Variants in STK33 observed in about 807,000 individuals in gnomAD.
STK33 encodes the protein serine/threonine kinase 33.
In STK33, 52 loss-of-function variants were observed where a neutral mutation model predicts 58.0. That is an observed-to-expected ratio of 0.90 (90% CI 0.72 to 1.13). The LOEUF (loss-of-function observed/expected upper bound fraction) is 1.13. Ranked by LOEUF, STK33 falls within the 50% of genes most tolerant of loss-of-function variation. The probability of loss-of-function intolerance (pLI) is 0.00; values close to 1 mark genes in which losing one functional copy is unlikely to be tolerated. For synonymous variants in STK33, 215 were observed against 200.1 expected (o/e 1.07, Z -0.63); for missense variants, 630 against 604.2 (o/e 1.04, Z -0.45).
At chr11:8,396,109 T>C (rs368346912) in intron 15 of STK33, among the ~76,000 whole-genome samples, 1 of 152,066 alleles carries the variant, frequency 6.6e-6, no homozygotes, top group African/African-American at 2.4e-5. Context: ...TGCAAATATA[T>C]ATATATTTTT....
chr11:8,494,958 A>G (rs2138861835), intron 1 of STK33, among the ~76,000 whole-genome samples: 1 of 152,362 alleles, frequency 6.6e-6, no homozygotes, highest in South Asian at 2.1e-4. Context: ...GATGGATTAA[A>G]GGCTTAAATG....
At chr11:8,422,521 A>G (rs1414677126) in intron 14 of STK33, among the ~76,000 whole-genome samples, 1 of 152,184 alleles carries the variant, frequency 6.6e-6, no homozygotes, top group African/African-American at 2.4e-5. Flanking sequence ...AAGAAGAGTT[A>G]TAAGTTTAAG....
In STK33 at chr11:8,497,950, T is replaced by C. The variant is rs549146758; in HGVS notation, c.-465-17336A>G. On this transcript the variant is annotated intron_variant, in intron 1 of 15. Transcript: ENST00000687296. Reference sequence around the variant, plus strand: ...GACCAATTTCCCTTATGAGTATAAATGCAAAAGTCTCAACAAAATACTAGC... The same window carrying C: ...GACCAATTTCCCTTATGAGTATAAACGCAAAAGTCTCAACAAAATACTAGC... 2.0e-3 allele frequency among the ~76,000 whole-genome samples: 310 copies of C among 152,228 alleles called. 2 individuals carry two copies. Among genetic ancestry groups the C allele is most frequent in the Non-Finnish European group, 3.1e-3 (213 of 68,002 alleles).
chr11:8,526,505 T>G (rs1463438307), intron 1 of STK33, among the ~76,000 whole-genome samples: 1 of 152,190 alleles, frequency 6.6e-6, no homozygotes, highest in East Asian at 1.9e-4. Context: ...ATTTCTCTCT[T>G]AAGTATGTTC....
At chr11:8,545,478 C>G (rs12576644) in intron 1 of STK33, among the ~76,000 whole-genome samples, 1 of 152,268 alleles carries the variant, frequency 6.6e-6, no homozygotes, top group South Asian at 2.1e-4. Flanking sequence ...TTTAAGATTA[C>G]TAATGTTACA....
At chr11:8,559,703 G>A (rs1299968068) in intron 1 of STK33, among the ~76,000 whole-genome samples, 1 of 152,004 alleles carries the variant, frequency 6.6e-6, no homozygotes, top group Non-Finnish European at 1.5e-5. Flanking sequence ...TATAAAATCA[G>A]AAAATAATTG....
intron 12 of STK33, 33 bp from the exon 13 acceptor site, chr11:8,436,172 T>A (rs765042733): frequency 1.5e-6 from 2 of 1,311,314 alleles, no homozygotes; most frequent in East Asian, 5.0e-5. Context: ...GTTTAAATTT[T>A]TTAAATAATA....
chr11:8,448,735 T>C (rs1945853764), intron 11 of STK33, among the ~76,000 whole-genome samples: 1 of 152,268 alleles, frequency 6.6e-6, no homozygotes, highest in East Asian at 1.9e-4. Flanking sequence ...AAGGACTTCA[T>C]GTCTAAAACA....
chr11:8,480,224 C>G (rs1271152819), intron 2 of STK33, among the ~76,000 whole-genome samples, 186 bp downstream of exon 2: 1 of 152,116 alleles, frequency 6.6e-6, no homozygotes, highest in East Asian at 1.9e-4. Context: ...ATCTCAGGGA[C>G]TACAAGTGTT....
At chr11:8,565,550 G>C (rs1957393088) in intron 1 of STK33, among the ~76,000 whole-genome samples, 1 of 152,100 alleles carries the variant, frequency 6.6e-6, no homozygotes, top group South Asian at 2.1e-4. Flanking sequence ...AACTCATTCA[G>C]CCTCAGTCAT....
At chr11:8,420,394 A>G (rs1168559520) in intron 14 of STK33, among the ~76,000 whole-genome samples, 3 of 152,170 alleles carry the variant, frequency 2.0e-5, no homozygotes, top group African/African-American at 7.2e-5. Flanking sequence ...TAATATTCCT[A>G]TTCTTCAGGA....
chr11:8,492,660 C>T (rs1950718403), intron 1 of STK33, among the ~76,000 whole-genome samples: 1 of 152,198 alleles, frequency 6.6e-6, no homozygotes, highest in Admixed American at 6.5e-5. Context: ...CTCAGCACCA[C>T]ATCACACTTA....
At chr11:8,590,435 T>TC (rs2032413849) in intron 1 of STK33, among the ~76,000 whole-genome samples, 1 of 149,512 alleles carries the variant, frequency 6.7e-6, no homozygotes, top group Non-Finnish European at 1.5e-5. Flanking sequence ...AAAATAAGGA[T>TC]AATAGTATTC....
intron 1 of STK33, among the ~76,000 whole-genome samples, chr11:8,482,779 G>A (rs1949914425): frequency 6.6e-6 from 1 of 151,632 alleles, no homozygotes. Flanking sequence ...ACCCAGGCTG[G>A]AGTGCAGTGG....
chr11:8,548,034 G>GA (rs1956063118), intron 1 of STK33, among the ~76,000 whole-genome samples: 1 of 127,642 alleles, frequency 7.8e-6, no homozygotes. Context: ...AGGGGGGAGG[G>GA]ATAGCATTAG....
chr11:8,516,637 A>G (rs1389656825), intron 1 of STK33, among the ~76,000 whole-genome samples: 3 of 152,194 alleles, frequency 2.0e-5, no homozygotes, highest in Non-Finnish European at 4.4e-5. Context: ...CCACCCTAAT[A>G]GTGCACTTTT....
intron 1 of STK33, among the ~76,000 whole-genome samples, chr11:8,544,820 C>T (rs1955793187): frequency 6.6e-6 from 1 of 152,140 alleles, no homozygotes; most frequent in Non-Finnish European, 1.5e-5. Flanking sequence ...TAAATGTTTA[C>T]ACATTATTCT....
At chr11:8,357,312 G>C in the STK33 span, among the ~76,000 whole-genome samples, 6 of 152,262 alleles carry the variant, frequency 3.9e-5, no homozygotes, top group Non-Finnish European at 7.3e-5. Context: ...TGGACAGCTG[G>C]GAGCCCGCCC....
At chr11:8,488,752 T>G (rs7939731) in intron 1 of STK33, among the ~76,000 whole-genome samples, 83,531 of 151,818 alleles carry the variant, frequency 0.55, 23,359 homozygotes, top group African/African-American at 0.65. Context: ...GAGAGTATCT[T>G]ATTTCCAGAG....
Sources: gnomAD v4.1 joint callset for allele counts (sites outside exome capture counted in the v4.1 genomes callset) on GRCh38, gnomAD v4.1.1 for gene constraint, MANE v1.5 for transcripts, NCBI Gene and HGNC (gene_info 2026-07-23, HGNC 2026-07-21) for gene names.